KANSL1: variants seen among roughly 807,000 people sequenced by gnomAD.
KANSL1 encodes MLL1/MLL complex subunit KANSL1.
In KANSL1, 22 loss-of-function variants were observed where a neutral mutation model predicts 103.6. The observed-to-expected ratio is 0.21, with a 90% CI of 0.15 to 0.30. The LOEUF (loss-of-function observed/expected upper bound fraction) is 0.30. KANSL1 is among the 10% of genes least tolerant of loss of function. The probability of loss-of-function intolerance (pLI) is 1.00; values close to 1 mark genes in which losing one functional copy is unlikely to be tolerated. For synonymous variants in KANSL1, 600 were observed against 527.6 expected (o/e 1.14, Z -1.88); for missense variants, 1,337 against 1,399.8 (o/e 0.96, Z 0.72).
At chr17:46,034,093 A>G (rs1464416782) in intron 11 of KANSL1, 68 bp downstream of exon 11, 1 of 1,584,654 alleles carries the variant, frequency 6.3e-7, no homozygotes, top group Non-Finnish European at 8.6e-7. Flanking sequence ...TCTTGGTCAG[A>G]AGAGAAGAGG....
intron 2 of KANSL1, among the ~76,000 whole-genome samples, chr17:46,108,044 C>T (rs74518378): frequency 0.1 from 15,007 of 148,582 alleles, 838 homozygotes; most frequent in East Asian, 0.3. Context: ...TAGCTCTCAC[C>T]CTTGACCACT....
At chr17:46,047,340 A>G (rs2077548732) in intron 7 of KANSL1, among the ~76,000 whole-genome samples, 1 of 152,252 alleles carries the variant, frequency 6.6e-6, no homozygotes, top group African/African-American at 2.4e-5. Flanking sequence ...GTTTTTATAA[A>G]TAAACTTTTG....
chr17:46,174,814 T>C (rs1440405661), intron 1 of KANSL1, among the ~76,000 whole-genome samples: 4 of 152,170 alleles, frequency 2.6e-5, no homozygotes, highest in East Asian at 1.9e-4. Context: ...GCTGGGACTA[T>C]AGGTGTGTGC....
intron 2 of KANSL1, among the ~76,000 whole-genome samples, chr17:46,147,572 TAAAAAAAAAAAAA>T (rs10717937): frequency 2.9e-5 from 3 of 103,068 alleles, no homozygotes; most frequent in African/African-American, 8.3e-5. Context: ...TGAGACTCTT[TAAAAAAAAAAAAA>T]AAAAAAAAAA....
intron 2 of KANSL1, among the ~76,000 whole-genome samples, chr17:46,136,097 G>C (rs1567715460): frequency 6.6e-6 from 1 of 152,058 alleles, no homozygotes; most frequent in African/African-American, 2.4e-5. Context: ...CTGAACAGCT[G>C]TTAACCACTG....
chr17:46,127,334 T>C (rs1484945403), intron 2 of KANSL1, among the ~76,000 whole-genome samples: 1 of 152,198 alleles, frequency 6.6e-6, no homozygotes, highest in Non-Finnish European at 1.5e-5. Flanking sequence ...CAATAAAAAA[T>C]GAGCTGGAAA....
At position 46,172,238 on chromosome 17, in the gene KANSL1, A is replaced by C; in HGVS notation, c.-89-6T>G. 8.6e-7 allele frequency: 1 copy of C among 1,164,246 alleles called. No homozygotes were observed. Among genetic ancestry groups the C allele is most frequent in the Non-Finnish European group, 1.2e-6 (1 of 844,620 alleles). The allele number at this position is 1,164,246 out of a possible 1,614,324, so 72.1% of individuals were successfully genotyped here. A position where few individuals can be genotyped will look rare whatever the true frequency, so the allele number is the denominator to read the frequency against. Reference sequence around the variant, plus strand: ...CTGCCTCCCCAGAGAACAGACTAGAAGAGAAAGGAGAAAAGAATATTAGAA... The same window carrying C: ...CTGCCTCCCCAGAGAACAGACTAGACGAGAAAGGAGAAAAGAATATTAGAA... On this transcript the variant is annotated splice_polypyrimidine_tract_variant and splice_region_variant and intron_variant, in intron 1 of 14. Coordinates refer to ENST00000432791, the MANE Select transcript of KANSL1 (RefSeq NM_015443.4).
intron 3 of KANSL1, among the ~76,000 whole-genome samples, chr17:46,086,089 TATA>T (rs1281036627): frequency 3.3e-5 from 5 of 152,256 alleles, no homozygotes; most frequent in Non-Finnish European, 7.3e-5. Context: ...ATATTAACTT[TATA>T]ATAATTATAG....
At chr17:46,159,311 G>T (rs2045607038) in intron 2 of KANSL1, among the ~76,000 whole-genome samples, 1 of 152,340 alleles carries the variant, frequency 6.6e-6, no homozygotes, top group South Asian at 2.1e-4. Context: ...AGCCTAGGTA[G>T]ACAAAATGTA....
intron 2 of KANSL1, among the ~76,000 whole-genome samples, chr17:46,130,512 T>C (rs2043813394): frequency 6.7e-6 from 1 of 149,992 alleles, no homozygotes. Flanking sequence ...GCTTTGGAAT[T>C]GTAAAAGGCT....
chr17:46,124,681 A>G (rs903288289), intron 2 of KANSL1, among the ~76,000 whole-genome samples: 3 of 152,222 alleles, frequency 2.0e-5, no homozygotes, highest in Non-Finnish European at 4.4e-5. Flanking sequence ...GGAGTTCAAA[A>G]TATCAACCCC....
At chr17:46,138,127 C>T (rs894370555) in intron 2 of KANSL1, among the ~76,000 whole-genome samples, 3 of 152,186 alleles carry the variant, frequency 2.0e-5, no homozygotes, top group African/African-American at 7.2e-5. Context: ...CATGCAAATA[C>T]AAGTTCAGCA....
intron 2 of KANSL1, chr17:46,119,920 C>T (rs2147178021): frequency 6.6e-6 from 1 of 152,306 alleles, no homozygotes; most frequent in East Asian, 1.9e-4. Flanking sequence ...GCCTATGGGT[C>T]AAAGGCCAGC....
intron 4 of KANSL1, among the ~76,000 whole-genome samples, chr17:46,078,924 C>T (rs1456639960): frequency 6.6e-6 from 1 of 152,314 alleles, no homozygotes; most frequent in Non-Finnish European, 1.5e-5. Context: ...TCTGTACACA[C>T]GACTTATCGG....
At chr17:46,036,896 G>A (rs1235931103) in intron 10 of KANSL1, among the ~76,000 whole-genome samples, 1 of 152,090 alleles carries the variant, frequency 6.6e-6, no homozygotes, top group Non-Finnish European at 1.5e-5. Flanking sequence ...ATTTTTAGTA[G>A]GGATAGGGTT....
At chr17:46,215,054 C>T (rs1226185606) in intron 1 of KANSL1, 1 of 152,304 alleles carries the variant, frequency 6.6e-6, no homozygotes, top group Non-Finnish European at 1.5e-5. Flanking sequence ...ACTATTATCA[C>T]TACTGTTATT....
chr17:46,042,866 T>C (rs1488234810), intron 7 of KANSL1: 1 of 151,818 alleles, frequency 6.6e-6, no homozygotes, highest in Non-Finnish European at 1.5e-5. Context: ...CCATGATTGC[T>C]GGGCTTTATG....
intron 1 of KANSL1, among the ~76,000 whole-genome samples, chr17:46,177,992 T>C (rs1462482280): frequency 3.9e-5 from 6 of 152,166 alleles, no homozygotes; most frequent in Non-Finnish European, 8.8e-5. Context: ...TTAGCCAGGA[T>C]GGTCTCCATC....
At chr17:46,035,298 C>A (rs2077116075) in intron 10 of KANSL1, 1 of 152,294 alleles carries the variant, frequency 6.6e-6, no homozygotes, top group Non-Finnish European at 1.5e-5. Context: ...TGTGGTCAGT[C>A]CACAGGGAAG....
Sources: gnomAD v4.1 joint callset for allele counts (sites outside exome capture counted in the v4.1 genomes callset) on GRCh38, gnomAD v4.1.1 for gene constraint, MANE v1.5 for transcripts, NCBI Gene and HGNC (gene_info 2026-07-23, HGNC 2026-07-21) for gene names.